Variants in PLXDC2 observed in about 807,000 individuals in gnomAD.
PLXDC2 encodes the protein plexin domain-containing protein 2.
PLXDC2 carries 40 observed loss-of-function variants against 68.9 expected under a neutral mutation model. That is an observed-to-expected ratio of 0.58 (90% confidence interval 0.45 to 0.76). The LOEUF is 0.76. Ranked by LOEUF, PLXDC2 falls within the 30% of genes least tolerant of loss-of-function variation. The pLI, the probability that PLXDC2 is intolerant of heterozygous loss-of-function variation, is 0.00. For synonymous variants in PLXDC2, 243 were observed against 234.2 expected (o/e 1.04, Z -0.34); for missense variants, 644 against 661.9 (o/e 0.97, Z 0.30).
chr10:19,877,615 T>C (rs141654748), intron 1 of PLXDC2, among the ~76,000 whole-genome samples: 1 of 152,328 alleles, frequency 6.6e-6, no homozygotes, highest in African/African-American at 2.4e-5. Flanking sequence ...CAGCCTCAAG[T>C]ATGTATCCAA....
chr10:20,204,855 C>T (rs183267989), intron 9 of PLXDC2, among the ~76,000 whole-genome samples: 4 of 152,146 alleles, frequency 2.6e-5, no homozygotes, highest in African/African-American at 4.8e-5. Context: ...AAAAGTCTGC[C>T]GGCCCCTGAT....
intron 4 of PLXDC2, among the ~76,000 whole-genome samples, chr10:20,100,726 C>T (rs1210246730): frequency 1.3e-5 from 2 of 151,918 alleles, no homozygotes; most frequent in Non-Finnish European, 1.5e-5. Context: ...ATATTTTTTG[C>T]CAAAAATTTG....
intron 2 of PLXDC2, among the ~76,000 whole-genome samples, chr10:20,036,825 T>A (rs1256544182): frequency 6.6e-6 from 1 of 152,168 alleles, no homozygotes; most frequent in Non-Finnish European, 1.5e-5. Flanking sequence ...TTATATTCCC[T>A]TCAACACATT....
At chr10:20,279,675 T>C in intron 13 of PLXDC2, 28 bp from the exon 14 acceptor site, 31 of 1,589,080 alleles carry the variant, frequency 2.0e-5, no homozygotes, top group Non-Finnish European at 2.7e-5. Context: ...CTGACGCACA[T>C]TTTTTATTTT....
At chr10:20,087,042 G>A (rs1050878766) in intron 4 of PLXDC2, among the ~76,000 whole-genome samples, 1 of 152,132 alleles carries the variant, frequency 6.6e-6, no homozygotes, top group Non-Finnish European at 1.5e-5. Flanking sequence ...CCCTAATTCT[G>A]AAGACGCAAC....
chr10:19,877,969 C>A (rs1001272444), intron 1 of PLXDC2, among the ~76,000 whole-genome samples: 1 of 152,094 alleles, frequency 6.6e-6, no homozygotes, highest in Non-Finnish European at 1.5e-5. Context: ...AGCAGCATTG[C>A]CACAATATGT....
chr10:20,006,520 CA>C lies in PLXDC2; in HGVS notation c.324+4535del, dbSNP rs139169888. Among the ~76,000 whole-genome samples the C allele has an allele frequency of 6.7e-3, 1,027 of 152,250 alleles. 17 individuals carry two copies. The highest frequency in any genetic ancestry group is 0.023 in the African/African-American group (975 of 41,534). Reference sequence around the variant, plus strand: ...AAAAACCACCCAGAATGGTATTCCTCAGATGTTCTCCTCATTTTTTTTCATT... The same window carrying C: ...AAAAACCACCCAGAATGGTATTCCTCGATGTTCTCCTCATTTTTTTTCATT... On this transcript the variant is annotated intron_variant, in intron 2 of 13. Coordinates refer to ENST00000377252, the MANE Select transcript of PLXDC2 (RefSeq NM_032812.9).
At chr10:19,890,077 C>T (rs1368258347) in intron 1 of PLXDC2, among the ~76,000 whole-genome samples, 1 of 152,010 alleles carries the variant, frequency 6.6e-6, no homozygotes, top group Non-Finnish European at 1.5e-5. Context: ...TTATTAATGC[C>T]CGCTCTGTGA....
chr10:20,100,340 G>A (rs1414132339), intron 4 of PLXDC2, among the ~76,000 whole-genome samples: 1 of 152,104 alleles, frequency 6.6e-6, no homozygotes, highest in African/African-American at 2.4e-5. Flanking sequence ...TTCCATTTTC[G>A]TTTTGTGTGT....
chr10:20,106,277 C>T (rs1036477681), intron 4 of PLXDC2, among the ~76,000 whole-genome samples: 1 of 152,196 alleles, frequency 6.6e-6, no homozygotes. Flanking sequence ...TACCAGGTCT[C>T]CAAGTAGGCA....
chr10:20,077,376 C>A (rs1836469360), intron 4 of PLXDC2, among the ~76,000 whole-genome samples: 1 of 151,946 alleles, frequency 6.6e-6, no homozygotes, highest in South Asian at 2.1e-4. Flanking sequence ...CCAGTTGGTA[C>A]AATGTGAAAG....
rs548603544 is a variant in PLXDC2 at position 20,151,502 on chromosome 10, G to A, written c.783+3600G>A. On this transcript the variant is annotated intron_variant, in intron 6 of 13. Coordinates refer to ENST00000377252, the MANE Select transcript of PLXDC2 (RefSeq NM_032812.9). Reference sequence around the variant, plus strand: ...AGAGAGATTAAATGACATACTTGAGGTCACAGAGCTAGTTAAGAATAAATC... The same window carrying A: ...AGAGAGATTAAATGACATACTTGAGATCACAGAGCTAGTTAAGAATAAATC... Among the ~76,000 whole-genome samples the A allele has an allele frequency of 4.6e-5, 7 of 152,226 alleles. No individual in the cohort carries two copies. In the South Asian group the frequency reaches 1.5e-3, roughly 32 times the overall value.
intron 2 of PLXDC2, among the ~76,000 whole-genome samples, chr10:20,033,504 A>G (rs1002443941): frequency 1.3e-5 from 2 of 152,194 alleles, no homozygotes; most frequent in East Asian, 3.9e-4. Flanking sequence ...AAAACTGGGT[A>G]ATTCATAAAG....
chr10:20,131,720 A>G (rs897820154), intron 4 of PLXDC2, among the ~76,000 whole-genome samples: 1 of 151,796 alleles, frequency 6.6e-6, no homozygotes, highest in African/African-American at 2.4e-5. Flanking sequence ...TTATTATTCT[A>G]TTTTTTCTTA....
intron 13 of PLXDC2, among the ~76,000 whole-genome samples, chr10:20,266,886 C>T (rs898099480): frequency 1.2e-4 from 19 of 152,052 alleles, no homozygotes; most frequent in African/African-American, 4.3e-4. Flanking sequence ...TGAATAAATG[C>T]GTTATCTAAA....
At chr10:20,233,222 C>A (rs1455755063) in intron 12 of PLXDC2, among the ~76,000 whole-genome samples, 1 of 152,000 alleles carries the variant, frequency 6.6e-6, no homozygotes, top group Non-Finnish European at 1.5e-5. Flanking sequence ...TTCCCTTGGG[C>A]TTTAAAACTC....
chr10:19,824,643 A>C (rs894044339), intron 1 of PLXDC2, among the ~76,000 whole-genome samples: 8 of 152,202 alleles, frequency 5.3e-5, no homozygotes, highest in Admixed American at 3.3e-4. Context: ...TAAGCTGAGG[A>C]AGTTACTAGA....
chr10:19,891,866 G>GA (rs1465437678), intron 1 of PLXDC2, among the ~76,000 whole-genome samples: 1 of 152,108 alleles, frequency 6.6e-6, no homozygotes, highest in South Asian at 2.1e-4. Context: ...TTCTTTGATT[G>GA]AAAAAATTGG....
chr10:20,154,076 A>T (rs947419667), intron 6 of PLXDC2, among the ~76,000 whole-genome samples: 1 of 152,090 alleles, frequency 6.6e-6, no homozygotes, highest in African/African-American at 2.4e-5. Flanking sequence ...ATCCTTTCTT[A>T]AATACATGGA....
Sources: gnomAD v4.1 joint callset for allele counts (sites outside exome capture counted in the v4.1 genomes callset) on GRCh38, gnomAD v4.1.1 for gene constraint, MANE v1.5 for transcripts, NCBI Gene and HGNC (gene_info 2026-07-23, HGNC 2026-07-21) for gene names.